Variants in MSL2 observed in about 807,000 individuals in gnomAD.
The protein encoded by MSL2 is E3 ubiquitin-protein ligase MSL2.
Under a neutral mutation model 35.8 loss-of-function variants are expected in MSL2, and 2 were observed. That is an observed-to-expected ratio of 0.06 (90% confidence interval 0.02 to 0.18). The LOEUF is 0.18. Among genes scored for constraint, MSL2 ranks in the 10% least tolerant of loss-of-function variants. The pLI, the probability that MSL2 is intolerant of heterozygous loss-of-function variation, is 1.00. For synonymous variants in MSL2, 296 were observed against 255.7 expected, an observed-to-expected ratio of 1.16 and a Z score of -1.50; for missense variants, 523 against 706.7, an observed-to-expected ratio of 0.74 and a Z score of 2.95.
intron 1 of MSL2, among the ~76,000 whole-genome samples, chr3:136,159,229 A>G (rs1939625667): frequency 6.6e-6 from 1 of 152,212 alleles, no homozygotes; most frequent in Non-Finnish European, 1.5e-5. Flanking sequence ...TGGTAATGAC[A>G]AAAGTATAGA....
At chr3:136,161,409 G>T (rs1473565495) in intron 1 of MSL2, among the ~76,000 whole-genome samples, 1 of 152,124 alleles carries the variant, frequency 6.6e-6, no homozygotes, top group East Asian at 1.9e-4. Context: ...ACAGAAAAAC[G>T]TATGTGAATG....
At chr3:136,184,422 G>A (rs1419361827) in intron 1 of MSL2, among the ~76,000 whole-genome samples, 1 of 151,784 alleles carries the variant, frequency 6.6e-6, no homozygotes, top group East Asian at 1.9e-4. Flanking sequence ...CCAACATGGT[G>A]AAACCCGTCT....
chr3:136,168,081 A>AAT (rs1450017143), intron 1 of MSL2, among the ~76,000 whole-genome samples: 9 of 152,126 alleles, frequency 5.9e-5, no homozygotes, highest in African/African-American at 1.7e-4. Context: ...AGAAACTCAT[A>AAT]ATAAGTTCTC....
Position 136,195,084 on chromosome 3 carries a change from G to A in MSL2, c.30C>T (p.Tyr10=), listed in dbSNP as rs771615352. The A allele has an allele frequency of 1.9e-6, 3 of 1,613,134 alleles. No individual in the cohort carries two copies. Among genetic ancestry groups the A allele is most frequent in the Non-Finnish European group, 2.5e-6 (3 of 1,179,766 alleles). Residue 10 remains tyrosine, a synonymous_variant, in exon 1 of 2, where the codon TAC becomes TAT. Coordinates refer to ENST00000309993, the MANE Select transcript of MSL2 (RefSeq NM_018133.4). MNPVNATAL[Y]ISASRLVLNY... ...TGAGCACTAGGCGGCTCGCGGAAATGTAGAGAGCAGTAGCATTCACGGGGT... is the reference window on the plus strand; with the variant it reads ...TGAGCACTAGGCGGCTCGCGGAAATATAGAGAGCAGTAGCATTCACGGGGT...
intron 1 of MSL2, among the ~76,000 whole-genome samples, chr3:136,177,738 T>C (rs1347044967): frequency 6.6e-6 from 1 of 150,636 alleles, no homozygotes; most frequent in Non-Finnish European, 1.5e-5. Flanking sequence ...ACCACTTGAC[T>C]GAGTAATTAC....
chr3:136,190,121 G>A (rs1454012707), intron 1 of MSL2, among the ~76,000 whole-genome samples: 2 of 152,016 alleles, frequency 1.3e-5, no homozygotes, highest in South Asian at 4.1e-4. Flanking sequence ...TGACACATGA[G>A]GTCTGTTATA....
intron 1 of MSL2, 95 bp downstream of exon 1, chr3:136,194,877 T>A (rs1241256844): frequency 6.4e-7 from 1 of 1,555,096 alleles, no homozygotes; most frequent in Non-Finnish European, 8.8e-7. Flanking sequence ...AAAAGCTTAA[T>A]ACCAACCACC....
At chr3:136,183,821 A>G (rs1940435175) in intron 1 of MSL2, among the ~76,000 whole-genome samples, 1 of 152,244 alleles carries the variant, frequency 6.6e-6, no homozygotes, top group African/African-American at 2.4e-5. Flanking sequence ...AACTACTAAG[A>G]GTCTGTAAGA....
At chr3:136,168,804 T>C (rs1939927119) in intron 1 of MSL2, among the ~76,000 whole-genome samples, 1 of 151,894 alleles carries the variant, frequency 6.6e-6, no homozygotes, top group Non-Finnish European at 1.5e-5. Flanking sequence ...TTTTCCAGGT[T>C]CACTAATTCT....
chr3:136,160,748 A>G (rs972782320), intron 1 of MSL2, among the ~76,000 whole-genome samples: 11 of 152,042 alleles, frequency 7.2e-5, no homozygotes, highest in African/African-American at 2.4e-4. Context: ...AAATGACAAT[A>G]TAATTTTAAA....
At chr3:136,183,613 G>C (rs1940429246) in intron 1 of MSL2, among the ~76,000 whole-genome samples, 1 of 152,086 alleles carries the variant, frequency 6.6e-6, no homozygotes, top group Admixed American at 6.6e-5. Context: ...TGTAGAGGCA[G>C]GGTTTTGCCA....
At chr3:136,155,828 A>C in intron 1 of MSL2, 1 of 577,432 alleles carries the variant, frequency 1.7e-6, no homozygotes, top group South Asian at 1.4e-5. Flanking sequence ...GAACTGTTCT[A>C]TGTGTAAATG....
At chr3:136,163,248 G>A (rs750957350) in intron 1 of MSL2, among the ~76,000 whole-genome samples, 6 of 152,202 alleles carry the variant, frequency 3.9e-5, no homozygotes, top group Non-Finnish European at 5.9e-5. Context: ...AACAGAGCGA[G>A]ACTCCGTCTC....
chr3:136,167,027 G>A (rs1350280376), intron 1 of MSL2, among the ~76,000 whole-genome samples: 1 of 152,008 alleles, frequency 6.6e-6, no homozygotes, highest in Non-Finnish European at 1.5e-5. Flanking sequence ...GATTATGGGA[G>A]AAATTAAGTT....
At chr3:136,172,358 C>T (rs1003957127) in intron 1 of MSL2, among the ~76,000 whole-genome samples, 5 of 152,046 alleles carry the variant, frequency 3.3e-5, no homozygotes, top group African/African-American at 1.2e-4. Flanking sequence ...GCTCACATAC[C>T]TCCCATACTC....
intron 1 of MSL2, among the ~76,000 whole-genome samples, chr3:136,180,775 AGGG>A (rs1435437864): frequency 1.0e-4 from 4 of 38,224 alleles, no homozygotes; most frequent in Non-Finnish European, 1.5e-4. Context: ...GGAGGGAGGG[AGGG>A]AGGGAGGGAG....
intron 1 of MSL2, among the ~76,000 whole-genome samples, chr3:136,191,363 G>T (rs925437220): frequency 2.6e-5 from 4 of 151,822 alleles, no homozygotes; most frequent in African/African-American, 9.7e-5. Flanking sequence ...AGCTACTCGG[G>T]AAGCTGAGGC....
At chr3:136,157,044 A>G (rs553260051) in intron 1 of MSL2, among the ~76,000 whole-genome samples, 1 of 152,348 alleles carries the variant, frequency 6.6e-6, no homozygotes, top group Admixed American at 6.5e-5. Context: ...TAGAAAATAT[A>G]AAAAATAAAA....
intron 1 of MSL2, among the ~76,000 whole-genome samples, chr3:136,188,548 A>G (rs1304132629): frequency 6.6e-6 from 1 of 152,092 alleles, no homozygotes; most frequent in Non-Finnish European, 1.5e-5. Context: ...CCAGGAATTC[A>G]AGACCAGCCT....
Sources: gnomAD v4.1 joint callset for allele counts (sites outside exome capture counted in the v4.1 genomes callset) on GRCh38, gnomAD v4.1.1 for gene constraint, MANE v1.5 for transcripts, NCBI Gene and HGNC (gene_info 2026-07-23, HGNC 2026-07-21) for gene names.